CHODL: variants seen among roughly 807,000 people sequenced by gnomAD.
CHODL encodes transmembrane protein MT75.
A neutral mutation model predicts 34.5 loss-of-function variants in CHODL; 29 were observed. The observed-to-expected ratio is 0.84, with a 90% CI of 0.63 to 1.15. The LOEUF (loss-of-function observed/expected upper bound fraction) is 1.15. Ranked by LOEUF, CHODL falls within the 50% of genes most tolerant of loss-of-function variation. CHODL has a pLI of 0.00. For synonymous variants in CHODL, 125 were observed against 116.1 expected (o/e 1.08, Z -0.49); for missense variants, 332 against 332.5 (o/e 1.00, Z 0.01).
chr21:17,978,145 C>T (rs2063681827), intron 1 of CHODL, among the ~76,000 whole-genome samples: 2 of 151,934 alleles, frequency 1.3e-5, no homozygotes, highest in Admixed American at 6.6e-5. Flanking sequence ...ACACGTCGGC[C>T]AGGCGTGGTG....
chr21:17,986,235 A>G (rs1033857630), intron 1 of CHODL, among the ~76,000 whole-genome samples: 1 of 152,168 alleles, frequency 6.6e-6, no homozygotes, highest in Non-Finnish European at 1.5e-5. Context: ...TTACATAGGT[A>G]TACACATGCC....
At chr21:17,961,774 G>A (rs531190922) in intron 1 of CHODL, among the ~76,000 whole-genome samples, 4 of 152,166 alleles carry the variant, frequency 2.6e-5, no homozygotes, top group Non-Finnish European at 4.4e-5. Context: ...ACTAATATAC[G>A]GTAAAAAAGT....
chr21:18,197,026 GTAAT>G (rs1173426834), intron 2 of CHODL, among the ~76,000 whole-genome samples: 1 of 152,070 alleles, frequency 6.6e-6, no homozygotes, highest in African/African-American at 2.4e-5. Context: ...ACAATGTGAG[GTAAT>G]TAATATGTTA....
chr21:17,977,285 G>T (rs540655376), intron 1 of CHODL, among the ~76,000 whole-genome samples: 2 of 151,840 alleles, frequency 1.3e-5, no homozygotes, highest in East Asian at 3.9e-4. Flanking sequence ...TGTTTTTCAA[G>T]ATTAGATGTC....
chr21:18,178,486 A>C (rs73893013), intron 2 of CHODL, among the ~76,000 whole-genome samples: 1,828 of 152,250 alleles, frequency 0.012, 34 homozygotes, highest in African/African-American at 0.04. Context: ...CTCCCCAAAA[A>C]CTTAACTAAT....
chr21:18,155,608 G>A (rs1435286436), intron 2 of CHODL, among the ~76,000 whole-genome samples: 2 of 152,316 alleles, frequency 1.3e-5, no homozygotes, highest in Non-Finnish European at 1.5e-5. Flanking sequence ...AGAATTTCGA[G>A]GTTGTTAGAG....
At chr21:18,160,306 A>G (rs1026167748) in intron 2 of CHODL, among the ~76,000 whole-genome samples, 49 of 152,150 alleles carry the variant, frequency 3.2e-4, no homozygotes, top group African/African-American at 1.1e-3. Flanking sequence ...TGGGGGTAAA[A>G]GAGTATTATT....
chr21:17,922,236 A>G (rs900039430), intron 1 of CHODL, among the ~76,000 whole-genome samples: 1 of 152,156 alleles, frequency 6.6e-6, no homozygotes, highest in East Asian at 1.9e-4. Flanking sequence ...GTACCTCAGA[A>G]CAACCCAACA....
intron 2 of CHODL, among the ~76,000 whole-genome samples, chr21:18,080,779 A>G (rs942609191): frequency 1.2e-4 from 18 of 152,204 alleles, no homozygotes; most frequent in South Asian, 2.1e-4. Flanking sequence ...TAATGCCTCC[A>G]GCATTGTTCT....
At chr21:18,154,570 A>T (rs1397362493) in intron 2 of CHODL, among the ~76,000 whole-genome samples, 1 of 152,054 alleles carries the variant, frequency 6.6e-6, no homozygotes, top group African/African-American at 2.4e-5. Flanking sequence ...TAGAGGAAAA[A>T]TTTTTCTGTC....
chr21:18,225,594 A>C (rs1166410088), intron 2 of CHODL, among the ~76,000 whole-genome samples: 1 of 152,156 alleles, frequency 6.6e-6, no homozygotes, highest in East Asian at 1.9e-4. Context: ...GCATGTTGTG[A>C]ACTTTTAAGA....
At chr21:18,118,858 GT>G (rs765288274) in intron 2 of CHODL, among the ~76,000 whole-genome samples, 1 of 151,850 alleles carries the variant, frequency 6.6e-6, no homozygotes, top group Non-Finnish European at 1.5e-5. Flanking sequence ...TTTTTTGTTT[GT>G]TTTTTACAGT....
At chr21:18,194,721 T>A (rs1222220729) in intron 2 of CHODL, among the ~76,000 whole-genome samples, 1 of 152,162 alleles carries the variant, frequency 6.6e-6, no homozygotes, top group East Asian at 1.9e-4. Flanking sequence ...TCAAGCTAAT[T>A]GACATATCTA....
rs1207745780 is a variant in CHODL at position 18,251,484 on chromosome 21, A to AATATATAAAATAAATATTTATTTT, written c.80-5023_80-5000dup. On this transcript the variant is annotated intron_variant, in intron 1 of 5. Transcript: ENST00000299295. ...TTTATTTATTTTAATTATTTATTTT[A>AATATATAAAATAAATATTTATTTT]ATATATAAAATAAATATTTATTTTA... 6.6e-5 allele frequency among the ~76,000 whole-genome samples: 8 copies of AATATATAAAATAAATATTTATTTT among 121,860 alleles called. 1 individual carries two copies. Among genetic ancestry groups the AATATATAAAATAAATATTTATTTT allele is most frequent in the African/African-American group, 2.4e-4 (8 of 33,978 alleles). The allele number at this position is 121,860 out of a possible 152,430, so 79.9% of individuals were successfully genotyped here. A position where few individuals can be genotyped will look rare whatever the true frequency, so the allele number is the denominator to read the frequency against.
intron 3 of CHODL, among the ~76,000 whole-genome samples, chr21:18,257,579 G>T (rs907904334): frequency 6.6e-6 from 1 of 152,112 alleles, no homozygotes; most frequent in Admixed American, 6.6e-5. Context: ...TCATTTTATG[G>T]TATAATACTT....
At chr21:18,196,933 C>G (rs1343139648) in intron 2 of CHODL, among the ~76,000 whole-genome samples, 1 of 152,092 alleles carries the variant, frequency 6.6e-6, no homozygotes, top group East Asian at 1.9e-4. Context: ...ATAATGTATA[C>G]TTGACATTTG....
At chr21:18,239,769 A>C (rs2074064138) in intron 2 of CHODL, among the ~76,000 whole-genome samples, 2 of 151,664 alleles carry the variant, frequency 1.3e-5, no homozygotes, top group Non-Finnish European at 2.9e-5. Context: ...CTTTATTTGG[A>C]TTTTTCATTT....
intron 1 of CHODL, among the ~76,000 whole-genome samples, chr21:18,007,135 C>T (rs1052017982): frequency 6.6e-6 from 1 of 152,012 alleles, no homozygotes; most frequent in Admixed American, 6.6e-5. Flanking sequence ...TTAAAAAAAA[C>T]TACTTCAAGA....
chr21:18,165,054 C>A (rs1288323860), intron 2 of CHODL, among the ~76,000 whole-genome samples: 15 of 152,022 alleles, frequency 9.9e-5, no homozygotes, highest in Admixed American at 6.6e-4. Context: ...ACGGATAGTT[C>A]TTTATCATGG....
Sources: gnomAD v4.1 joint callset for allele counts (sites outside exome capture counted in the v4.1 genomes callset) on GRCh38, gnomAD v4.1.1 for gene constraint, MANE v1.5 for transcripts, NCBI Gene and HGNC (gene_info 2026-07-23, HGNC 2026-07-21) for gene names.